Variants in TMEFF1 observed in about 807,000 individuals in gnomAD.
TMEFF1 encodes tomoregulin-1.
In TMEFF1, 20 loss-of-function variants were observed where a neutral mutation model predicts 47.5. The ratio of observed to expected loss-of-function variants is 0.42; its 90% CI spans 0.30 to 0.61. The LOEUF (loss-of-function observed/expected upper bound fraction) is 0.61, where lower values mean the gene tolerates loss of function less well. Among genes scored for constraint, TMEFF1 ranks in the 20% least tolerant of loss-of-function variants. The probability of loss-of-function intolerance (pLI) is 0.19; values close to 1 mark genes in which losing one functional copy is unlikely to be tolerated. For missense variants in TMEFF1, 411 were observed against 471.1 expected, an observed-to-expected ratio of 0.87 and a Z score of 1.18; for synonymous variants, 162 against 166.3, an observed-to-expected ratio of 0.97 and a Z score of 0.20.
At chr9:100,530,532 T>G (rs1471858204) in intron 5 of TMEFF1, among the ~76,000 whole-genome samples, 1 of 151,970 alleles carries the variant, frequency 6.6e-6, no homozygotes, top group Non-Finnish European at 1.5e-5. Context: ...CAAGACTAAA[T>G]CAGGAAGAAG....
chr9:100,553,953 G>C (rs1838871610), intron 7 of TMEFF1, among the ~76,000 whole-genome samples: 1 of 152,160 alleles, frequency 6.6e-6, no homozygotes, highest in Admixed American at 6.5e-5. Context: ...TGCACAGGAA[G>C]TTTCTCTGTG....
At chr9:100,484,946 G>T (rs1040171124) in intron 1 of TMEFF1, among the ~76,000 whole-genome samples, 1 of 151,986 alleles carries the variant, frequency 6.6e-6, no homozygotes. Context: ...TAAAATGTTG[G>T]GATTACAGGC....
intron 1 of TMEFF1, among the ~76,000 whole-genome samples, chr9:100,492,869 A>G (rs1837581186): frequency 6.6e-6 from 1 of 152,096 alleles, no homozygotes; most frequent in Admixed American, 6.5e-5. Flanking sequence ...GTACTATTAA[A>G]GGTGGGGGAT....
At chr9:100,535,032 A>C (rs1587842907) in intron 5 of TMEFF1, among the ~76,000 whole-genome samples, 2 of 152,266 alleles carry the variant, frequency 1.3e-5, no homozygotes, top group East Asian at 1.9e-4. Flanking sequence ...GAAATGTGAA[A>C]ACCATTTTTA....
rs566942485 is a variant in TMEFF1 at position 100,572,094 on chromosome 9, G to A, written c.900-424G>A. On this transcript the variant is annotated intron_variant, in intron 8 of 9. Transcript: ENST00000374879. ...ATGGACCAATATCTGTCCATGGCCC[G>A]GGAGTTGGGGGGGATCCCTGTTGTA... Among the ~76,000 whole-genome samples, 3 of 152,058 alleles carry A rather than the reference G, an allele frequency of 2.0e-5. No individual in the cohort carries two copies. In the South Asian group the frequency reaches 6.2e-4, roughly 32 times the overall value.
intron 2 of TMEFF1, among the ~76,000 whole-genome samples, chr9:100,508,511 T>C (rs1837904506): frequency 6.6e-6 from 1 of 151,950 alleles, no homozygotes; most frequent in Non-Finnish European, 1.5e-5. Context: ...TTTTTCCTAC[T>C]CGTATGACTC....
At chr9:100,549,219 A>T (rs1838789509) in intron 6 of TMEFF1, among the ~76,000 whole-genome samples, 1 of 152,192 alleles carries the variant, frequency 6.6e-6, no homozygotes, top group African/African-American at 2.4e-5. Context: ...GATGGCAAAG[A>T]GGAAGCAGGC....
chr9:100,516,666 T>C lies in TMEFF1; in HGVS notation c.464-9T>C, dbSNP rs1381989095. On this transcript the variant is annotated splice_polypyrimidine_tract_variant and intron_variant, in intron 4 of 9. Coordinates refer to ENST00000374879, the MANE Select transcript of TMEFF1 (RefSeq NM_003692.5). ...TTTGGTTGTAAATTTGATTTTTCTT[T>C]TTAAACAGAAGAGGAAGGGTCAGGG... 10 of 1,606,684 alleles carry C rather than the reference T, an allele frequency of 6.2e-6. No homozygotes were observed. Among genetic ancestry groups the C allele is most frequent in the Non-Finnish European group, 8.5e-6 (10 of 1,177,748 alleles).
intron 6 of TMEFF1, 78 bp from the exon 7 acceptor site, chr9:100,550,017 A>G: frequency 6.7e-7 from 1 of 1,503,182 alleles, no homozygotes; most frequent in African/African-American, 1.4e-5. Flanking sequence ...ACTTGGAATA[A>G]TTTGGAATTA....
At chr9:100,497,318 G>GTTTTTTTTTTT (rs1328828062) in intron 1 of TMEFF1, among the ~76,000 whole-genome samples, 4 of 84,880 alleles carry the variant, frequency 4.7e-5, no homozygotes, top group South Asian at 4.9e-4. Flanking sequence ...TTCCACTCAT[G>GTTTTTTTTTTT]TCTTTTTTTT....
chr9:100,482,283 C>T (rs1039846932), intron 1 of TMEFF1, among the ~76,000 whole-genome samples: 4 of 151,968 alleles, frequency 2.6e-5, no homozygotes, highest in African/African-American at 9.7e-5. Context: ...CTGCAACCTC[C>T]ACCTCCCAGG....
intron 1 of TMEFF1, among the ~76,000 whole-genome samples, chr9:100,481,406 T>C (rs1330884005): frequency 6.6e-6 from 1 of 152,158 alleles, no homozygotes; most frequent in Non-Finnish European, 1.5e-5. Context: ...CATAGATGAA[T>C]GAACATAGAA....
Position 100,514,442 on chromosome 9 carries a change from G to C in TMEFF1, c.463+1109G>C, listed in dbSNP as rs868156855. ...AATTCCAGATCTTAGAGCTGGAACA[G>C]ATTTTAGGCGATCATGTAGTCTAGC... On this transcript the variant is annotated intron_variant, in intron 4 of 9. Coordinates refer to ENST00000374879, the MANE Select transcript of TMEFF1 (RefSeq NM_003692.5). Among the ~76,000 whole-genome samples the C allele has an allele frequency of 5.9e-5, 9 of 152,250 alleles. 1 individual carries two copies. In the Middle Eastern group the frequency reaches 0.01, roughly 173 times the overall value.
chr9:100,547,531 C>T (rs1164622117), intron 5 of TMEFF1, among the ~76,000 whole-genome samples: 2 of 152,034 alleles, frequency 1.3e-5, no homozygotes, highest in East Asian at 3.9e-4. Context: ...CCAGAGAAAC[C>T]ACTGGATTCA....
At chr9:100,479,559 A>G (rs988222215) in intron 1 of TMEFF1, among the ~76,000 whole-genome samples, 3 of 152,222 alleles carry the variant, frequency 2.0e-5, no homozygotes, top group African/African-American at 7.2e-5. Flanking sequence ...CCTGGTTACT[A>G]CTAATCTACT....
At chr9:100,513,071 T>C (rs1837997308) in intron 3 of TMEFF1, among the ~76,000 whole-genome samples, 2 of 152,144 alleles carry the variant, frequency 1.3e-5, no homozygotes, top group Non-Finnish European at 2.9e-5. Flanking sequence ...CATCTGGGTA[T>C]GTCCTTAATG....
In TMEFF1 at chr9:100,541,042, A is replaced by G. The variant is rs1838618093; in HGVS notation, c.561-6702A>G. ...CTTTATGGGGCATTGTTTATTTCAAATTCCTCAGTCTTACGTTTGATCTCC... is the reference window on the plus strand; with the variant it reads ...CTTTATGGGGCATTGTTTATTTCAAGTTCCTCAGTCTTACGTTTGATCTCC... On this transcript the variant is annotated intron_variant, in intron 5 of 9. Coordinates refer to ENST00000374879, the MANE Select transcript of TMEFF1 (RefSeq NM_003692.5). Among the ~76,000 whole-genome samples the G allele has an allele frequency of 2.0e-5, 3 of 152,142 alleles. No homozygotes were observed. The South Asian group carries it at 6.2e-4, about 32-fold the overall frequency.
chr9:100,557,844 T>C (rs1587854744), intron 7 of TMEFF1, among the ~76,000 whole-genome samples: 1 of 151,986 alleles, frequency 6.6e-6, no homozygotes, highest in East Asian at 1.9e-4. Context: ...TTTTTTTTTT[T>C]TAATATCCTC....
rs1010039915 is a variant in TMEFF1 at position 100,576,911 on chromosome 9, C to T, written c.*311C>T. ...ACAAATGGTTATAAAGTCATATCCA[C>T]TTCTTCCACAATGACCACAGCAAAT... On this transcript the variant is annotated 3_prime_UTR_variant, in exon 10 of 10. Transcript: ENST00000374879. The T allele has an allele frequency of 1.5e-5, 3 of 197,508 alleles. No individual in the cohort carries two copies. The highest frequency in any genetic ancestry group is 7.0e-5 in the African/African-American group (3 of 43,076). 12.2% of individuals were successfully genotyped at this position (197,508 alleles called of 1,614,324 possible). A position where few individuals can be genotyped will look rare whatever the true frequency, so the allele number is the denominator to read the frequency against.
Sources: allele counts gnomAD v4.1 joint callset (sites outside exome capture counted in the v4.1 genomes callset), GRCh38; gene constraint gnomAD v4.1.1; transcripts MANE v1.5; gene names NCBI Gene and HGNC (gene_info 2026-07-23, HGNC 2026-07-21).